The following SLC6A9 variants were observed in gnomAD, a reference collection of about 807,000 sequenced individuals.
SLC6A9 encodes the protein sodium- and chloride-dependent glycine transporter 1.
Under a neutral mutation model 70.9 loss-of-function variants are expected in SLC6A9, and 31 were observed. The ratio of observed to expected loss-of-function variants is 0.44; its 90% CI spans 0.33 to 0.59. The LOEUF is 0.59. Among genes scored for constraint, SLC6A9 ranks in the 20% least tolerant of loss-of-function variants. The probability of loss-of-function intolerance (pLI) is 0.04; values close to 1 mark genes in which losing one functional copy is unlikely to be tolerated. For missense variants in SLC6A9, 631 were observed against 845.2 expected, an observed-to-expected ratio of 0.75 and a Z score of 3.14; for synonymous variants, 310 against 341.3, an observed-to-expected ratio of 0.91 and a Z score of 1.01.
chr1:44,009,817 T>C, intron 4 of SLC6A9, 148 bp downstream of exon 4: 3 of 931,822 alleles, frequency 3.2e-6, no homozygotes, highest in East Asian at 2.6e-5. Context: ...CATGCATCCA[T>C]GGCTTAGGCC....
At chr1:44,008,671 G>T in intron 4 of SLC6A9, 48 bp from the exon 5 acceptor site, 1 of 1,485,500 alleles carries the variant, frequency 6.7e-7, no homozygotes, top group Non-Finnish European at 9.4e-7. Context: ...TCCAGCAGGA[G>T]GAGGTGAGGT....
chr1:44,009,710 C>T (rs1365555151), intron 4 of SLC6A9, among the ~76,000 whole-genome samples: 3 of 152,158 alleles, frequency 2.0e-5, no homozygotes, highest in Non-Finnish European at 4.4e-5. Context: ...AGGTCAAGGT[C>T]TTGGTAGGGG....
In SLC6A9 at chr1:44,000,794, C is replaced by T. The variant is rs1261452782; in HGVS notation, c.1509G>A (p.Trp503Ter). 6.2e-7 allele frequency: 1 copy of T among 1,610,876 alleles called. No homozygotes were observed. Among genetic ancestry groups the T allele is most frequent in the Non-Finnish European group, 8.5e-7 (1 of 1,178,538 alleles). ...FPPPLFFQIC[W>*]RFVSPAIIFF... ...AGATGATGGCGGGAGAGACGAAGCG[C>T]CAGCAGATCTGAAAGAAGAGGGGTG... is the stretch of plus-strand genomic sequence containing the variant. The change falls in exon 12 of 14, where the codon TGG becomes TGA. Residue 503 changes from tryptophan to a stop codon, truncating the protein, a stop_gained. Transcript: ENST00000372310. LOFTEE classifies it high-confidence loss of function.
chr1:44,004,986 G>GGTT (rs925570005), intron 5 of SLC6A9, among the ~76,000 whole-genome samples: 47 of 152,340 alleles, frequency 3.1e-4, no homozygotes, highest in African/African-American at 1.1e-3. Context: ...CAGGGGCTGT[G>GGTT]GTTGTGCTGC....
At chr1:44,001,321 C>A (rs201991199) in intron 9 of SLC6A9, 23 bp from the exon 10 acceptor site, 3 of 1,614,174 alleles carry the variant, frequency 1.9e-6, no homozygotes, top group South Asian at 1.1e-5. Context: ...GCTGTCAGAT[C>A]GGAGACCTGC....
At position 43,997,815 on chromosome 1, in the gene SLC6A9, T is replaced by G. The variant is rs2085926988; in HGVS notation, c.1707+40A>C. The G allele has an allele frequency of 6.3e-7, 1 of 1,588,966 alleles. No individual in the cohort carries two copies. The highest frequency in any genetic ancestry group is 1.7e-5 in the Admixed American group (1 of 57,742). ...CCTTAAGCCCCTTCCAGCTGGCCCC[T>G]CCCATTTTGCCTGGCTACCCAGCCT... On this transcript the variant is annotated intron_variant, in intron 13 of 13. Transcript: ENST00000372310. The surrounding 1 kb of genome is among the most constrained non-coding windows in gnomAD (Gnocchi z 4.4).
intron 5 of SLC6A9, 72 bp downstream of exon 5, chr1:44,008,281 T>C: frequency 2.0e-6 from 3 of 1,504,846 alleles, no homozygotes; most frequent in Non-Finnish European, 2.8e-6. Flanking sequence ...CTACTTTGTC[T>C]TCAGATGGTT....
At chr1:44,014,306 C>G (rs2086668883) in intron 2 of SLC6A9, among the ~76,000 whole-genome samples, 1 of 152,152 alleles carries the variant, frequency 6.6e-6, no homozygotes, top group Admixed American at 6.5e-5. Flanking sequence ...CAGGACAAAG[C>G]AGCCTCCACT....
At chr1:44,004,151 C>T (rs895913499) in intron 5 of SLC6A9, among the ~76,000 whole-genome samples, 24 of 150,580 alleles carry the variant, frequency 1.6e-4, no homozygotes, top group African/African-American at 4.6e-4. Flanking sequence ...TGCACCAATA[C>T]GCTGGGCTAA....
chr1:44,007,711 G>A (rs1056425734), intron 5 of SLC6A9, among the ~76,000 whole-genome samples: 4 of 152,136 alleles, frequency 2.6e-5, no homozygotes, highest in Admixed American at 2.6e-4. Context: ...CTTCAGCTTT[G>A]GGGCCAGCCT....
At chr1:44,009,840 CT>C in intron 4 of SLC6A9, 124 bp downstream of exon 4, 2 of 1,169,400 alleles carry the variant, frequency 1.7e-6, no homozygotes, top group Non-Finnish European at 2.4e-6. Flanking sequence ...TGATGTGGGG[CT>C]TGGGGTCAGC....
intron 12 of SLC6A9, among the ~76,000 whole-genome samples, chr1:44,000,360 C>A (rs1042396180): frequency 6.6e-6 from 1 of 152,272 alleles, no homozygotes; most frequent in African/African-American, 2.4e-5. Context: ...TCTGGTCTAC[C>A]AGCCTTGGGC....
rs202056254 is a variant in SLC6A9 at position 44,017,108 on chromosome 1, G to A, written c.31-6226C>T. 3.4e-5 allele frequency: 54 copies of A among 1,605,100 alleles called. No homozygotes were observed. Among genetic ancestry groups the A allele is most frequent in the Admixed American group, 1.4e-4 (8 of 58,804 alleles). The stretch of plus-strand genomic sequence containing the variant: ...CGCGGCCATCCTGGGGCGAGCGATC[G>A]CAGCCCGCGTGTCTCCGCCGCTCAT... On this transcript the variant is annotated intron_variant, in intron 2 of 13. Transcript: ENST00000372310.
At chr1:44,023,952 C>G (rs771305909) in intron 2 of SLC6A9, among the ~76,000 whole-genome samples, 1 of 152,252 alleles carries the variant, frequency 6.6e-6, no homozygotes, top group Admixed American at 6.5e-5. Flanking sequence ...TGCACAGCCC[C>G]GCGTCCACTG....
chr1:44,006,213 T>C (rs1389557760), intron 5 of SLC6A9, among the ~76,000 whole-genome samples: 2 of 151,942 alleles, frequency 1.3e-5, no homozygotes, highest in African/African-American at 4.9e-5. Flanking sequence ...CGTTCTCCCA[T>C]CGGACGGCAG....
chr1:44,029,904 C>T (rs2087061915), intron 1 of SLC6A9, among the ~76,000 whole-genome samples: 1 of 152,234 alleles, frequency 6.6e-6, no homozygotes, highest in African/African-American at 2.4e-5. Flanking sequence ...CAGTCTTTAA[C>T]CTTTCAGGTT....
chr1:44,008,955 C>G (rs561347927), intron 4 of SLC6A9, among the ~76,000 whole-genome samples: 1 of 149,458 alleles, frequency 6.7e-6, no homozygotes, highest in South Asian at 2.1e-4. Flanking sequence ...CTCCTGACCT[C>G]GTGATCCGCC....
rs202049747 is a variant in SLC6A9 at position 44,001,554 on chromosome 1, C to T, written c.1036G>A (p.Gly346Ser). The T allele has an allele frequency of 3.1e-6, 5 of 1,614,120 alleles. No homozygotes were observed. The highest frequency in any genetic ancestry group is 3.4e-6 in the Non-Finnish European group (4 of 1,180,062). ...ACGCCCAGGTGATTGGCCATGAAGCCGAGGATGGAGAAGATGACGAAGCCA... is the reference window on the plus strand; with the variant it reads ...ACGCCCAGGTGATTGGCCATGAAGCTGAGGATGGAGAAGATGACGAAGCCA... ...YAGFVIFSIL[G>S]FMANHLGVDV... Residue 346 changes from glycine (G) to serine (S), a missense_variant, in exon 9 of 14, where the codon GGC becomes AGC. Physicochemically the swap from Gly to Ser is moderately conservative, Grantham distance 56. Transcript: ENST00000372310.
At chr1:44,019,752 A>T (rs1203025064) in intron 2 of SLC6A9, among the ~76,000 whole-genome samples, 1 of 152,240 alleles carries the variant, frequency 6.6e-6, no homozygotes, top group Non-Finnish European at 1.5e-5. Flanking sequence ...TGACTCCCCC[A>T]GCTCCCGCCT....
Sources: gnomAD v4.1 joint callset for allele counts (sites outside exome capture counted in the v4.1 genomes callset) on GRCh38, gnomAD v4.1.1 for gene constraint, Gnocchi (gnomAD v3.1) non-coding constraint, MANE v1.5 for transcripts, NCBI Gene and HGNC (gene_info 2026-07-23, HGNC 2026-07-21) for gene names.